The following SGCD variants were observed in gnomAD, a reference collection of about 807,000 sequenced individuals.
The protein encoded by SGCD is delta-sarcoglycan.
In SGCD, 18 loss-of-function variants were observed where a neutral mutation model predicts 36.6. The observed-to-expected ratio is 0.49, with a 90% CI of 0.34 to 0.73. The LOEUF (loss-of-function observed/expected upper bound fraction) is 0.73. SGCD is among the 30% of genes least tolerant of loss of function. SGCD has a pLI of 0.01. For synonymous variants in SGCD, 133 were observed against 130.6 expected (o/e 1.02, Z -0.12); for missense variants, 387 against 346.7 (o/e 1.12, Z -0.92).
At chr5:156,689,393 C>A (rs1047556027) in intron 7 of SGCD, among the ~76,000 whole-genome samples, 9 of 152,196 alleles carry the variant, frequency 5.9e-5, no homozygotes, top group Non-Finnish European at 1.2e-4. Context: ...AAAATGTCAG[C>A]CTTTATACAA....
chr5:156,574,191 C>A (rs1759833525), intron 4 of SGCD, among the ~76,000 whole-genome samples: 1 of 152,168 alleles, frequency 6.6e-6, no homozygotes. Context: ...GGTGGATGGT[C>A]AGGTTCTAGT....
intron 1 of SGCD, among the ~76,000 whole-genome samples, chr5:156,044,865 A>C (rs1191050781): frequency 6.6e-6 from 1 of 152,156 alleles, no homozygotes; most frequent in African/African-American, 2.4e-5. Flanking sequence ...CACATGTTTT[A>C]CATATGTGTG....
At chr5:156,191,402 C>T (rs1763890576) in intron 3 of SGCD, among the ~76,000 whole-genome samples, 1 of 152,082 alleles carries the variant, frequency 6.6e-6, no homozygotes, top group Non-Finnish European at 1.5e-5. Flanking sequence ...AAAGGAGTGT[C>T]AATCTGTTCA....
chr5:156,048,838 A>G (rs1759843298), intron 1 of SGCD, among the ~76,000 whole-genome samples: 2 of 151,984 alleles, frequency 1.3e-5, no homozygotes, highest in South Asian at 2.1e-4. Context: ...ATTAGATCCC[A>G]TTTGTCAATT....
intron 4 of SGCD, among the ~76,000 whole-genome samples, chr5:156,537,762 C>A (rs1043567431): frequency 6.6e-6 from 1 of 151,816 alleles, no homozygotes; most frequent in Non-Finnish European, 1.5e-5. Context: ...CTAGTCCCAT[C>A]CCATCCTGTA....
At chr5:156,179,691 G>T (rs13160144) in intron 3 of SGCD, among the ~76,000 whole-genome samples, 2,633 of 148,000 alleles carry the variant, frequency 0.018, 49 homozygotes, top group Non-Finnish European at 0.024. Context: ...GCGTGATCTC[G>T]GCTCACTGGA....
chr5:156,259,756 A>G (rs1765807484), intron 3 of SGCD, among the ~76,000 whole-genome samples: 1 of 152,116 alleles, frequency 6.6e-6, no homozygotes, highest in Admixed American at 6.6e-5. Context: ...GGATTAGATA[A>G]GGTCGTCAGG....
chr5:156,634,638 G>A (rs1344558685), intron 6 of SGCD, among the ~76,000 whole-genome samples: 1 of 152,092 alleles, frequency 6.6e-6, no homozygotes, highest in East Asian at 1.9e-4. Context: ...TACAAAACGG[G>A]TAGCATGAGG....
intron 3 of SGCD, among the ~76,000 whole-genome samples, chr5:156,264,657 G>C (rs1394823986): frequency 6.6e-6 from 1 of 152,024 alleles, no homozygotes; most frequent in Non-Finnish European, 1.5e-5. Context: ...GCATTAGAAA[G>C]TACTTAGCAC....
intron 6 of SGCD, among the ~76,000 whole-genome samples, chr5:156,620,661 C>T (rs1290005847): frequency 1.3e-5 from 2 of 152,168 alleles, no homozygotes; most frequent in Non-Finnish European, 2.9e-5. Flanking sequence ...GCTTCCTATG[C>T]AGCAGCAAGA....
At chr5:156,046,555 A>G (rs1013745236) in intron 1 of SGCD, among the ~76,000 whole-genome samples, 1 of 151,980 alleles carries the variant, frequency 6.6e-6, no homozygotes, top group African/African-American at 2.4e-5. Flanking sequence ...TTTCAGTACT[A>G]TTTTACCTGT....
At chr5:156,568,870 A>G (rs2113279603) in intron 4 of SGCD, among the ~76,000 whole-genome samples, 1 of 152,378 alleles carries the variant, frequency 6.6e-6, no homozygotes, top group Middle Eastern at 3.4e-3. Context: ...CAACAGAGTG[A>G]ACATATTATG....
intron 1 of SGCD, among the ~76,000 whole-genome samples, chr5:155,872,668 T>C (rs1348939078): frequency 6.6e-6 from 1 of 152,178 alleles, no homozygotes; most frequent in Non-Finnish European, 1.5e-5. Context: ...AATTTTTTAT[T>C]AAGTACTTCA....
At chr5:156,386,111 A>G (rs180735363) in intron 3 of SGCD, among the ~76,000 whole-genome samples, 2 of 152,326 alleles carry the variant, frequency 1.3e-5, no homozygotes, top group African/African-American at 2.4e-5. Flanking sequence ...GTGATAGTAT[A>G]GTTATTGAGC....
chr5:155,886,493 T>C (rs953599154), intron 1 of SGCD, among the ~76,000 whole-genome samples: 2 of 151,246 alleles, frequency 1.3e-5, no homozygotes, highest in Non-Finnish European at 2.9e-5. Context: ...TGTGTGTGTG[T>C]GCGCGCACGC....
chr5:155,962,572 G>A (rs2113451884), intron 1 of SGCD, among the ~76,000 whole-genome samples: 1 of 152,210 alleles, frequency 6.6e-6, no homozygotes, highest in African/African-American at 2.4e-5. Context: ...TAAAATTGCA[G>A]CAGAAAGCAA....
intron 1 of SGCD, among the ~76,000 whole-genome samples, chr5:155,956,135 C>T (rs1328941144): frequency 6.7e-6 from 1 of 149,224 alleles, no homozygotes; most frequent in Non-Finnish European, 1.5e-5. Context: ...TCCCACCTCT[C>T]CCACCTGTCA....
At chr5:156,690,014 T>C (rs990340676) in intron 7 of SGCD, among the ~76,000 whole-genome samples, 1 of 152,238 alleles carries the variant, frequency 6.6e-6, no homozygotes, top group Non-Finnish European at 1.5e-5. Flanking sequence ...GAAATGGCTA[T>C]TTTCAAAACA....
chr5:156,216,094 G>T (rs554025977), intron 3 of SGCD, among the ~76,000 whole-genome samples: 1 of 152,252 alleles, frequency 6.6e-6, no homozygotes, highest in South Asian at 2.1e-4. Flanking sequence ...CAAATAACAT[G>T]TGATCTCACA....
Sources: gnomAD v4.1 joint callset for allele counts (sites outside exome capture counted in the v4.1 genomes callset) on GRCh38, gnomAD v4.1.1 for gene constraint, MANE v1.5 for transcripts, NCBI Gene and HGNC (gene_info 2026-07-23, HGNC 2026-07-21) for gene names.